MTUS2: variants seen among roughly 807,000 people sequenced by gnomAD.
MTUS2 encodes microtubule-associated tumor suppressor candidate 2.
A neutral mutation model predicts 114.1 loss-of-function variants in MTUS2; 40 were observed. That is an observed-to-expected ratio of 0.35 (90% CI 0.27 to 0.46). The LOEUF is 0.46. MTUS2 is among the 20% of genes least tolerant of loss of function. The pLI is 1.00. For synonymous variants in MTUS2, 688 were observed against 672.0 expected (o/e 1.02, Z -0.37); for missense variants, 1,679 against 1,705.4 (o/e 0.98, Z 0.27).
chr13:29,307,322 C>G (rs1899517474), intron 6 of MTUS2: 7 of 684,266 alleles, frequency 1.0e-5, no homozygotes, highest in Non-Finnish European at 1.9e-5. Context: ...CATGCTGTCC[C>G]TGCCACCCAG....
chr13:29,419,287 G>A (rs536638801), intron 8 of MTUS2, among the ~76,000 whole-genome samples: 4 of 152,272 alleles, frequency 2.6e-5, no homozygotes, highest in East Asian at 1.9e-4. Context: ...GAGAGTCAAC[G>A]TAGTCTTGCA....
chr13:29,346,275 G>A (rs1868673126), intron 7 of MTUS2, among the ~76,000 whole-genome samples: 2 of 152,138 alleles, frequency 1.3e-5, no homozygotes, highest in South Asian at 4.1e-4. Flanking sequence ...AAGAGATGGT[G>A]TTCTTTGTCT....
intron 6 of MTUS2, among the ~76,000 whole-genome samples, chr13:29,287,865 T>C (rs1035508284): frequency 7.2e-5 from 11 of 152,222 alleles, no homozygotes; most frequent in African/African-American, 2.7e-4. Flanking sequence ...ACACGATTCC[T>C]GTCCCCACAG....
intron 9 of MTUS2, among the ~76,000 whole-genome samples, chr13:29,452,574 ATG>A (rs56367128): frequency 0.52 from 67,299 of 129,516 alleles, 17,286 homozygotes; most frequent in East Asian, 0.82. Flanking sequence ...ATATATATAT[ATG>A]TGTGTGTGTG....
chr13:29,021,459 C>T (rs1886288091), intron 2 of MTUS2, among the ~76,000 whole-genome samples: 1 of 152,184 alleles, frequency 6.6e-6, no homozygotes, highest in African/African-American at 2.4e-5. Context: ...TTCTTTGTCA[C>T]TTTCTTGCAA....
intron 9 of MTUS2, among the ~76,000 whole-genome samples, chr13:29,441,777 A>G (rs1036614969): frequency 6.6e-6 from 1 of 152,096 alleles, no homozygotes; most frequent in Non-Finnish European, 1.5e-5. Context: ...CACATTGTAC[A>G]TGTGTGCACA....
At chr13:29,170,198 A>G (rs1893499052) in intron 5 of MTUS2, among the ~76,000 whole-genome samples, 1 of 4,750 alleles carries the variant, frequency 2.1e-4, no homozygotes. Flanking sequence ...CAAGAATGCA[A>G]TGCATCTGAT....
chr13:29,470,170 A>T (rs1052559043), intron 9 of MTUS2, among the ~76,000 whole-genome samples: 2 of 152,218 alleles, frequency 1.3e-5, no homozygotes, highest in Admixed American at 1.3e-4. Flanking sequence ...GGGGGAGTTT[A>T]ATAACTAGAG....
At chr13:29,044,509 C>T (rs1364586020) in intron 4 of MTUS2, among the ~76,000 whole-genome samples, 1 of 151,976 alleles carries the variant, frequency 6.6e-6, no homozygotes, top group Non-Finnish European at 1.5e-5. Flanking sequence ...CCCATTGTTT[C>T]TTGAAATATT....
chr13:28,854,344 T>C (rs1431160657), intron 2 of MTUS2, among the ~76,000 whole-genome samples: 2 of 152,232 alleles, frequency 1.3e-5, no homozygotes, highest in Admixed American at 6.5e-5. Context: ...CTTCTAGTTA[T>C]GTTGCTTACA....
chr13:28,994,675 G>GT (rs1010852848), intron 2 of MTUS2, among the ~76,000 whole-genome samples: 2 of 152,118 alleles, frequency 1.3e-5, no homozygotes, highest in Non-Finnish European at 2.9e-5. Context: ...TTTTTCATGT[G>GT]TTTTTTGGCT....
At chr13:29,176,483 C>G (rs1019563456) in intron 5 of MTUS2, among the ~76,000 whole-genome samples, 1 of 152,166 alleles carries the variant, frequency 6.6e-6, no homozygotes, top group Non-Finnish European at 1.5e-5. Flanking sequence ...TCTTAGTCCA[C>G]TTGGGCTGCT....
chr13:29,497,190 T>C (rs768983958), intron 12 of MTUS2, 48 bp from the exon 13 acceptor site: 137 of 1,530,812 alleles, frequency 8.9e-5, no homozygotes, highest in Non-Finnish European at 1.2e-4. Context: ...CTGTGGTGGC[T>C]GCTGTCTGTA....
chr13:29,295,893 G>A (rs1042051783), intron 6 of MTUS2, among the ~76,000 whole-genome samples: 5 of 152,114 alleles, frequency 3.3e-5, no homozygotes, highest in South Asian at 2.1e-4. Flanking sequence ...AGAACAGCAC[G>A]GGAAAAACTT....
rs1272281497 is a variant in MTUS2 at position 29,025,959 on chromosome 13, A to C, written c.1261A>C (p.Lys421Gln). The change falls in exon 3 of 16, where the codon AAG (lysine) becomes CAG (glutamine). Residue 421 changes from lysine (K) to glutamine (Q), a missense_variant. This residue lies in a region of MTUS2 where 843 missense variants were observed against 770.8 expected (regional missense o/e 1.09). Coordinates refer to ENST00000612955, the MANE Select transcript of MTUS2 (RefSeq NM_001033602.4). Reference sequence around the variant, plus strand: ...CAAAATTTCACCATGTGCAGGTGAGAAGTTGGGTGAAAGGACATCCAGCAG... The same window carrying C: ...CAAAATTTCACCATGTGCAGGTGAGCAGTTGGGTGAAAGGACATCCAGCAG... ...TGKISPCAGE[K>Q]LGERTSSSFS... 6.2e-7 allele frequency: 1 copy of C among 1,613,986 alleles called. No homozygotes were observed. The highest frequency in any genetic ancestry group is 8.5e-7 in the Non-Finnish European group (1 of 1,179,882).
chr13:29,130,793 T>A (rs145595210), intron 5 of MTUS2, among the ~76,000 whole-genome samples: 3,641 of 152,130 alleles, frequency 0.024, 143 homozygotes, highest in African/African-American at 0.083. Context: ...ACCCAGCTAA[T>A]TTTTGTATTT....
intron 5 of MTUS2, among the ~76,000 whole-genome samples, chr13:29,109,398 C>T (rs746314872): frequency 1.4e-4 from 21 of 152,200 alleles, no homozygotes; most frequent in South Asian, 1.2e-3. Context: ...CAACCCCATG[C>T]TGTATATTAG....
intron 4 of MTUS2, among the ~76,000 whole-genome samples, chr13:29,083,684 A>G (rs372972258): frequency 4.1e-4 from 62 of 152,290 alleles, no homozygotes; most frequent in African/African-American, 1.3e-3. Context: ...GAGTTCTTAT[A>G]TGAAGGAACA....
chr13:29,372,554 A>AT (rs1445707935), intron 8 of MTUS2, among the ~76,000 whole-genome samples: 1 of 152,142 alleles, frequency 6.6e-6, no homozygotes, highest in East Asian at 1.9e-4. Context: ...ACAGAAGAAC[A>AT]TCCACCATGC....
Sources: allele counts gnomAD v4.1 joint callset (sites outside exome capture counted in the v4.1 genomes callset), GRCh38; gene constraint gnomAD v4.1.1; regional missense constraint gnomAD v4.1.1; transcripts MANE v1.5; gene names NCBI Gene and HGNC (gene_info 2026-07-23, HGNC 2026-07-21).